Variants in PRKCH observed in about 807,000 individuals in gnomAD.
PRKCH encodes protein kinase C eta.
In PRKCH, 28 loss-of-function variants were observed where a neutral mutation model predicts 82.5. The observed-to-expected ratio is 0.34, with a 90% CI of 0.25 to 0.47. The LOEUF (loss-of-function observed/expected upper bound fraction) is 0.47, where lower values mean the gene tolerates loss of function less well. Among genes scored for constraint, PRKCH ranks in the 20% least tolerant of loss-of-function variants. PRKCH has a pLI of 1.00. For synonymous variants in PRKCH, 322 were observed against 327.4 expected (o/e 0.98, Z 0.18); for missense variants, 705 against 881.8 (o/e 0.80, Z 2.54).
At chr14:61,542,889 T>C (rs2043206064) in intron 12 of PRKCH, among the ~76,000 whole-genome samples, 1 of 152,228 alleles carries the variant, frequency 6.6e-6, no homozygotes, top group Non-Finnish European at 1.5e-5. Flanking sequence ...AGATGTTCAC[T>C]AATACTATCA....
chr14:61,286,118 T>C (rs1451786955), intron 1 of PRKCH, among the ~76,000 whole-genome samples: 1 of 152,274 alleles, frequency 6.6e-6, no homozygotes. Context: ...TTTATCTTAC[T>C]GTAACAGAAC....
chr14:61,426,330 C>T (rs1883107231), intron 2 of PRKCH, among the ~76,000 whole-genome samples: 1 of 147,040 alleles, frequency 6.8e-6, no homozygotes, highest in Non-Finnish European at 1.5e-5. Context: ...TTTGCCATCA[C>T]CTTCAATGAA....
chr14:61,268,616 C>A, intron 1 of PRKCH, among the ~76,000 whole-genome samples: 1 of 152,016 alleles, frequency 6.6e-6, no homozygotes, highest in East Asian at 1.9e-4. Flanking sequence ...TACAGAGAGC[C>A]GAGATCGTAC....
chr14:61,384,186 G>A (rs905879965), intron 1 of PRKCH, among the ~76,000 whole-genome samples: 8 of 152,172 alleles, frequency 5.3e-5, no homozygotes, highest in Non-Finnish European at 1.0e-4. Context: ...AGGATTTTAA[G>A]CCTGGGAACG....
intron 1 of PRKCH, among the ~76,000 whole-genome samples, chr14:61,373,978 C>G (rs905223222): frequency 6.6e-5 from 10 of 152,110 alleles, no homozygotes; most frequent in Non-Finnish European, 1.2e-4. Context: ...AAAGGCAAGT[C>G]CCTTCCACCT....
intron 1 of PRKCH, among the ~76,000 whole-genome samples, chr14:61,367,360 A>ATG (rs35762429): frequency 0.085 from 12,280 of 144,868 alleles, 715 homozygotes; most frequent in East Asian, 0.2. Context: ...GTGTGTGTGT[A>ATG]TGTGTGTGTG....
chr14:61,205,485 G>A (rs756382020), intron 1 of PRKCH, among the ~76,000 whole-genome samples: 3 of 152,196 alleles, frequency 2.0e-5, no homozygotes, highest in Non-Finnish European at 4.4e-5. Context: ...GGCTTCCAGG[G>A]GAGAGGCAAG....
intron 2 of PRKCH, among the ~76,000 whole-genome samples, chr14:61,428,112 C>CACATATATATATATATATATATATAG: frequency 6.9e-6 from 1 of 145,524 alleles, no homozygotes; most frequent in East Asian, 2.0e-4. Flanking sequence ...TATATACACA[C>CACATATATATATATATATATATATAG]ATATATATAT....
At chr14:61,323,173 G>C (rs1244458776) in intron 1 of PRKCH, among the ~76,000 whole-genome samples, 1 of 152,174 alleles carries the variant, frequency 6.6e-6, no homozygotes, top group Non-Finnish European at 1.5e-5. Context: ...GTTGTTAACT[G>C]TCTTCCCTCC....
At chr14:61,379,939 A>G (rs2046478044) in intron 1 of PRKCH, among the ~76,000 whole-genome samples, 1 of 152,092 alleles carries the variant, frequency 6.6e-6, no homozygotes, top group Non-Finnish European at 1.5e-5. Context: ...TGTGGAGGGG[A>G]TGCACAATTA....
At chr14:61,326,860 C>T (rs1034140427) in intron 1 of PRKCH, 2 of 232,142 alleles carry the variant, frequency 8.6e-6, no homozygotes, top group African/African-American at 4.6e-5. Context: ...GCTTCTAGAA[C>T]ATGTTTATTT....
At chr14:61,257,623 ACACACACCCC>A (rs772077803) in intron 1 of PRKCH, among the ~76,000 whole-genome samples, 2,238 of 58,578 alleles carry the variant, frequency 0.038, 49 homozygotes, top group African/African-American at 0.11. Flanking sequence ...ACACACACAC[ACACACACCCC>A]CACACACACA....
chr14:61,485,584 C>A lies in PRKCH; in HGVS notation c.1361C>A (p.Ala454Glu). 1 of 1,614,130 alleles carries A rather than the reference C, an allele frequency of 6.2e-7. No individual in the cohort carries two copies. The highest frequency in any genetic ancestry group is 8.5e-7 in the Non-Finnish European group (1 of 1,180,034). The stretch of plus-strand genomic sequence containing the variant: ...CAGAAGTCTCGTCGTTTTGATGAAG[C>A]ACGAGCTCGCTTCTATGCTGCAGAA... ...HIQKSRRFDE[A>E]RARFYAAEII... is the part of the protein sequence containing the mutation. Residue 454 changes from alanine to glutamate, a missense_variant, in exon 10 of 14, where the codon GCA becomes GAA. By Grantham distance (107) the Ala-to-Glu change is moderately radical. This residue lies in a region of PRKCH where 238 missense variants were observed against 258.1 expected (regional missense o/e 0.92). Transcript: ENST00000332981.
At chr14:61,480,707 G>A (rs1211576924) in intron 9 of PRKCH, among the ~76,000 whole-genome samples, 1 of 152,176 alleles carries the variant, frequency 6.6e-6, no homozygotes, top group African/African-American at 2.4e-5. Context: ...AATGGCAGCA[G>A]AGACCCTGCA....
At chr14:61,264,625 T>C (rs1472016169) in intron 1 of PRKCH, among the ~76,000 whole-genome samples, 9 of 152,266 alleles carry the variant, frequency 5.9e-5, no homozygotes. Context: ...ATTTTATAAA[T>C]GGGGAGTTGA....
chr14:61,240,908 G>A (rs2044831279), intron 1 of PRKCH, among the ~76,000 whole-genome samples: 1 of 151,774 alleles, frequency 6.6e-6, no homozygotes. Flanking sequence ...GTAACTAAAT[G>A]TGTGAGGTTT....
chr14:61,218,960 C>G (rs183163424), intron 1 of PRKCH, among the ~76,000 whole-genome samples: 1 of 152,216 alleles, frequency 6.6e-6, no homozygotes, highest in Non-Finnish European at 1.5e-5. Context: ...AGGCTTCCAC[C>G]GCAGCCTTGG....
intron 1 of PRKCH, among the ~76,000 whole-genome samples, chr14:61,379,604 A>G (rs2046471397): frequency 6.6e-6 from 1 of 152,206 alleles, no homozygotes; most frequent in African/African-American, 2.4e-5. Flanking sequence ...TCTTGTTTTT[A>G]ACCTGGTATC....
At chr14:61,406,333 G>A (rs1881951719) in intron 2 of PRKCH, among the ~76,000 whole-genome samples, 1 of 19,716 alleles carries the variant, frequency 5.1e-5, no homozygotes, top group Non-Finnish European at 1.0e-4. Flanking sequence ...GTTGTTAGGG[G>A]GGCACATGAG....
Sources: gnomAD v4.1 joint callset for allele counts (sites outside exome capture counted in the v4.1 genomes callset) on GRCh38, gnomAD v4.1.1 for gene constraint, gnomAD v4.1.1 regional missense constraint, MANE v1.5 for transcripts, NCBI Gene and HGNC (gene_info 2026-07-23, HGNC 2026-07-21) for gene names.